The following FNDC3B variants were observed in gnomAD, a reference collection of about 807,000 sequenced individuals.
The protein encoded by FNDC3B is fibronectin type III domain containing 3B, also known as fibronectin type III domain-containing protein 3B.
In FNDC3B, 12 loss-of-function variants were observed where a neutral mutation model predicts 151.5. That is an observed-to-expected ratio of 0.08 (90% CI 0.05 to 0.13). FNDC3B has a LOEUF of 0.13. Ranked by LOEUF, FNDC3B falls within the 10% of genes least tolerant of loss-of-function variation. The pLI is 1.00. For synonymous variants in FNDC3B, 528 were observed against 549.0 expected, an observed-to-expected ratio of 0.96 and a Z score of 0.54; for missense variants, 1,214 against 1,505.3, an observed-to-expected ratio of 0.81 and a Z score of 3.20.
intron 11 of FNDC3B, among the ~76,000 whole-genome samples, chr3:172,316,632 T>G (rs768467108): frequency 7.9e-5 from 12 of 152,206 alleles, no homozygotes; most frequent in Non-Finnish European, 1.5e-4. Context: ...AGTTCTGCCT[T>G]AAGATATTGT....
intron 6 of FNDC3B, among the ~76,000 whole-genome samples, chr3:172,268,876 T>G (rs1028353987): frequency 6.6e-6 from 1 of 152,240 alleles, no homozygotes; most frequent in African/African-American, 2.4e-5. Flanking sequence ...TACCATGCCC[T>G]GCCAGTTCCT....
chr3:172,140,480 C>G (rs1721569630), intron 3 of FNDC3B, among the ~76,000 whole-genome samples: 1 of 152,208 alleles, frequency 6.6e-6, no homozygotes, highest in African/African-American at 2.4e-5. Flanking sequence ...CAATTCCTCT[C>G]AACATGGACT....
chr3:172,389,712 A>C (rs1735906686), intron 25 of FNDC3B, among the ~76,000 whole-genome samples: 1 of 152,050 alleles, frequency 6.6e-6, no homozygotes, highest in Non-Finnish European at 1.5e-5. Context: ...AAAAATACAA[A>C]AAAAATAGCT....
intron 6 of FNDC3B, among the ~76,000 whole-genome samples, chr3:172,268,458 G>C (rs1239831143): frequency 1.3e-5 from 2 of 152,130 alleles, no homozygotes; most frequent in African/African-American, 4.8e-5. Flanking sequence ...AAAGTGTTTT[G>C]GCCAGACCTG....
chr3:172,330,291 C>A (rs1732577178), intron 12 of FNDC3B: 4 of 369,072 alleles, frequency 1.1e-5, no homozygotes. Flanking sequence ...ATGCAGAACC[C>A]AAGGATACAG....
At chr3:172,214,747 T>G (rs952401803) in intron 3 of FNDC3B, among the ~76,000 whole-genome samples, 1 of 152,258 alleles carries the variant, frequency 6.6e-6, no homozygotes, top group Non-Finnish European at 1.5e-5. Flanking sequence ...CTTTGGATTT[T>G]AAGTGCATGA....
intron 1 of FNDC3B, among the ~76,000 whole-genome samples, chr3:172,089,693 T>G (rs1481841532): frequency 6.6e-6 from 1 of 152,180 alleles, no homozygotes; most frequent in Admixed American, 6.5e-5. Flanking sequence ...AAGATTCTAA[T>G]AAGGCTGTCT....
At chr3:172,123,228 A>G (rs545847608) in intron 2 of FNDC3B, among the ~76,000 whole-genome samples, 13 of 152,170 alleles carry the variant, frequency 8.5e-5, no homozygotes, top group Non-Finnish European at 1.9e-4. Flanking sequence ...TTTTGTAGAG[A>G]TAGTCCCCTT....
chr3:172,266,023 T>A (rs886404040), intron 6 of FNDC3B, among the ~76,000 whole-genome samples: 1 of 152,242 alleles, frequency 6.6e-6, no homozygotes, highest in Admixed American at 6.5e-5. Flanking sequence ...ATTCTCAATC[T>A]TTTTTATCCC....
chr3:172,083,617 A>G (rs1333812289), intron 1 of FNDC3B, among the ~76,000 whole-genome samples: 1 of 152,178 alleles, frequency 6.6e-6, no homozygotes, highest in African/African-American at 2.4e-5. Context: ...TTCACTAGCA[A>G]CTTCACAGAG....
intron 1 of FNDC3B, among the ~76,000 whole-genome samples, chr3:172,110,597 G>A (rs1719908286): frequency 6.6e-6 from 1 of 151,792 alleles, no homozygotes; most frequent in South Asian, 2.1e-4. Context: ...TCACCTGTAA[G>A]ATGTCAGAGC....
intron 11 of FNDC3B, among the ~76,000 whole-genome samples, chr3:172,316,715 C>G (rs1731804338): frequency 6.6e-6 from 1 of 152,184 alleles, no homozygotes; most frequent in African/African-American, 2.4e-5. Context: ...CACCTAAGAT[C>G]TTGCTATGAA....
intron 3 of FNDC3B, among the ~76,000 whole-genome samples, chr3:172,224,143 G>C (rs1726431181): frequency 6.6e-6 from 1 of 152,216 alleles, no homozygotes. Flanking sequence ...GGATGGGGCA[G>C]ACATCATTGT....
intron 6 of FNDC3B, among the ~76,000 whole-genome samples, chr3:172,278,662 C>T (rs1009883980): frequency 2.0e-5 from 3 of 152,156 alleles, no homozygotes; most frequent in African/African-American, 7.2e-5. Context: ...TGTGGTGGCT[C>T]ACGCCTGTAA....
chr3:172,305,925 C>T (rs764400566), intron 9 of FNDC3B, among the ~76,000 whole-genome samples: 16 of 152,156 alleles, frequency 1.1e-4, no homozygotes. Flanking sequence ...GCAAAAAGGA[C>T]CTTTTCCTTC....
intron 3 of FNDC3B, among the ~76,000 whole-genome samples, chr3:172,200,244 G>C (rs915934564): frequency 1.3e-5 from 2 of 152,204 alleles, no homozygotes; most frequent in African/African-American, 4.8e-5. Context: ...GGAGTACCTA[G>C]AGAAAACCCA....
At chr3:172,270,708 A>G (rs561117913) in intron 6 of FNDC3B, among the ~76,000 whole-genome samples, 2 of 152,298 alleles carry the variant, frequency 1.3e-5, no homozygotes, top group East Asian at 1.9e-4. Flanking sequence ...ACCCTTGACT[A>G]TATTGGAAAC....
chr3:172,230,350 A>AAG (rs1382050854), intron 4 of FNDC3B, among the ~76,000 whole-genome samples: 106 of 151,636 alleles, frequency 7.0e-4, no homozygotes, highest in Middle Eastern at 6.8e-3. Context: ...AAAAAAAAAA[A>AAG]AAAATTAGCC....
At chr3:172,314,557 A>G (rs1373789217) in intron 11 of FNDC3B, among the ~76,000 whole-genome samples, 3 of 152,246 alleles carry the variant, frequency 2.0e-5, no homozygotes, top group African/African-American at 4.8e-5. Flanking sequence ...CATGGATTAG[A>G]GTTCCAGAAT....
Sources: gnomAD v4.1 joint callset for allele counts (sites outside exome capture counted in the v4.1 genomes callset) on GRCh38, gnomAD v4.1.1 for gene constraint, MANE v1.5 for transcripts, NCBI Gene and HGNC (gene_info 2026-07-23, HGNC 2026-07-21) for gene names.